Variants in SEC24B observed in about 807,000 individuals in gnomAD.
The protein encoded by SEC24B is protein transport protein Sec24B.
SEC24B carries 45 observed loss-of-function variants against 142.8 expected under a neutral mutation model. The observed-to-expected ratio is 0.32, with a 90% CI of 0.25 to 0.40. The LOEUF (loss-of-function observed/expected upper bound fraction) is 0.40, where lower values mean the gene tolerates loss of function less well. Among genes scored for constraint, SEC24B ranks in the 10% least tolerant of loss-of-function variants. SEC24B has a pLI of 1.00. For synonymous variants in SEC24B, 574 were observed against 568.2 expected (o/e 1.01, Z -0.15); for missense variants, 1,409 against 1,526.8 (o/e 0.92, Z 1.29).
chr4:109,486,732 T>G (rs184815965), intron 4 of SEC24B, among the ~76,000 whole-genome samples: 34 of 152,320 alleles, frequency 2.2e-4, no homozygotes, highest in African/African-American at 8.2e-4. Flanking sequence ...AGCCATTGAT[T>G]CAGTGGAAAC....
At chr4:109,516,668 C>A (rs1213575385) in intron 11 of SEC24B, 28 bp downstream of exon 11, 1 of 1,220,708 alleles carries the variant, frequency 8.2e-7, no homozygotes, top group East Asian at 2.5e-5. Context: ...TCATACTATA[C>A]ATATGTGTAT....
intron 9 of SEC24B, 58 bp from the exon 10 acceptor site, chr4:109,513,689 A>G (rs1324257845): frequency 2.2e-6 from 2 of 892,392 alleles, no homozygotes; most frequent in East Asian, 2.4e-5. Context: ...TTAGGTGTGT[A>G]TATATGTGTT....
intron 22 of SEC24B, among the ~76,000 whole-genome samples, chr4:109,534,573 C>T (rs112579733): frequency 8.6e-5 from 13 of 151,304 alleles, no homozygotes; most frequent in African/African-American, 2.9e-4. Context: ...GGTGACACAG[C>T]GAGACTCCAA....
At chr4:109,453,567 A>G (rs1730353571) in intron 1 of SEC24B, among the ~76,000 whole-genome samples, 1 of 151,440 alleles carries the variant, frequency 6.6e-6, no homozygotes, top group Non-Finnish European at 1.5e-5. Context: ...CCTGGCCCAC[A>G]GGCAGCCAGA....
rs566271239 is a variant in SEC24B at position 109,492,167 on chromosome 4, C to A, written c.1246+760C>A. Among the ~76,000 whole-genome samples, 273 of 150,136 alleles carry A rather than the reference C, an allele frequency of 1.8e-3. 1 individual carries two copies. Among genetic ancestry groups the A allele is most frequent in the African/African-American group, 6.0e-3 (247 of 40,886 alleles). On this transcript the variant is annotated intron_variant, in intron 5 of 23. Transcript: ENST00000265175. ...GTTCTATACTTAAAAAAAAAAAAAA[C>A]CCATGCTATCTTGCTATCACTATTC... is the stretch of plus-strand genomic sequence containing the variant.
intron 8 of SEC24B, among the ~76,000 whole-genome samples, chr4:109,511,223 T>A (rs184742479): frequency 4.1e-3 from 620 of 152,104 alleles, no homozygotes; most frequent in Non-Finnish European, 6.0e-3. Context: ...CAGTGACATC[T>A]TCTGTGATAT....
rs372593611 is a variant in SEC24B, at chr4:109,510,142, A to G, written c.1776+31A>G. On this transcript the variant is annotated intron_variant, in intron 8 of 23. Coordinates refer to ENST00000265175, the MANE Select transcript of SEC24B (RefSeq NM_006323.5). ...GTAACATTTTATAATATTTATGGGT[A>G]CTGACATGTATGCTTATGTACAAGG... The G allele has an allele frequency of 2.8e-5, 34 of 1,231,390 alleles. No homozygotes were observed. The African/African-American group carries it at 4.1e-4, about 15-fold the overall frequency. 76.3% of individuals were successfully genotyped at this position (1,231,390 alleles called of 1,614,324 possible).
intron 3 of SEC24B, among the ~76,000 whole-genome samples, chr4:109,477,990 A>G (rs930537102): frequency 2.0e-5 from 3 of 152,158 alleles, no homozygotes; most frequent in Middle Eastern, 3.2e-3. Context: ...TTTGTTTTTA[A>G]AATAATTACA....
chr4:109,466,174 G>A (rs888943703), intron 2 of SEC24B, among the ~76,000 whole-genome samples: 5 of 152,172 alleles, frequency 3.3e-5, no homozygotes, highest in Non-Finnish European at 4.4e-5. Context: ...GTAGTAGTTC[G>A]TAAGGTATCT....
At chr4:109,504,031 T>C (rs1451690612) in intron 6 of SEC24B, among the ~76,000 whole-genome samples, 2 of 152,158 alleles carry the variant, frequency 1.3e-5, no homozygotes, top group Admixed American at 6.5e-5. Flanking sequence ...TTTACAGCTC[T>C]ACAGAAAAAA....
At chr4:109,522,555 C>T (rs886352791) in intron 14 of SEC24B, among the ~76,000 whole-genome samples, 5 of 152,174 alleles carry the variant, frequency 3.3e-5, no homozygotes, top group African/African-American at 4.8e-5. Context: ...TTTTCTATTA[C>T]GTAAGTGGTA....
intron 1 of SEC24B, among the ~76,000 whole-genome samples, chr4:109,443,031 A>G (rs1486995121): frequency 6.6e-6 from 1 of 152,098 alleles, no homozygotes. Flanking sequence ...ATATCTCTTA[A>G]GTGAGCTCTC....
At chr4:109,530,512 CAG>C in intron 19 of SEC24B, 48 bp downstream of exon 19, 1 of 1,430,460 alleles carries the variant, frequency 7.0e-7, no homozygotes, top group Non-Finnish European at 9.6e-7. Flanking sequence ...TTAAAATTCT[CAG>C]ATATGTACAT....
rs185124284 is a variant in SEC24B at position 109,493,105 on chromosome 4, C to G, written c.1247-1510C>G. Among the ~76,000 whole-genome samples, 501 of 152,026 alleles carry G rather than the reference C, an allele frequency of 3.3e-3. 3 individuals are homozygous for G. The highest frequency in any genetic ancestry group is 0.012 in the African/African-American group (485 of 41,484). ...ATGTTTCCATCACCATGAGGAGGGA[C>G]AAGCAGGAGATCTAAGGATTATGAC... On this transcript the variant is annotated intron_variant, in intron 5 of 23. Coordinates refer to ENST00000265175, the MANE Select transcript of SEC24B (RefSeq NM_006323.5).
chr4:109,513,289 T>A (rs547670328), intron 9 of SEC24B, among the ~76,000 whole-genome samples: 1,911 of 148,462 alleles, frequency 0.013, 33 homozygotes, highest in African/African-American at 0.045. Flanking sequence ...ATTATTATTT[T>A]TTTTTTTTTT....
At chr4:109,478,345 G>A (rs2125977306) in intron 3 of SEC24B, among the ~76,000 whole-genome samples, 1 of 151,816 alleles carries the variant, frequency 6.6e-6, no homozygotes, top group South Asian at 2.1e-4. Flanking sequence ...TTGGTGGGTG[G>A]TTCTTTTTTT....
At chr4:109,483,333 C>T (rs1006616539) in intron 4 of SEC24B, among the ~76,000 whole-genome samples, 1 of 151,844 alleles carries the variant, frequency 6.6e-6, no homozygotes, top group African/African-American at 2.4e-5. Flanking sequence ...CCTGCCTTGG[C>T]CTCCCAAAGT....
chr4:109,478,267 C>T (rs1429854449), intron 3 of SEC24B, among the ~76,000 whole-genome samples: 1 of 147,098 alleles, frequency 6.8e-6, no homozygotes, highest in Admixed American at 6.8e-5. Context: ...GCCTGGGTGA[C>T]AGAGTGAGAC....
intron 4 of SEC24B, among the ~76,000 whole-genome samples, chr4:109,482,619 T>C (rs1397550163): frequency 1.3e-5 from 2 of 151,966 alleles, no homozygotes; most frequent in Admixed American, 1.3e-4. Context: ...AATTTTGTAC[T>C]ATATATATTT....
Sources: gnomAD v4.1 joint callset for allele counts (sites outside exome capture counted in the v4.1 genomes callset) on GRCh38, gnomAD v4.1.1 for gene constraint, MANE v1.5 for transcripts, NCBI Gene and HGNC (gene_info 2026-07-23, HGNC 2026-07-21) for gene names.